The following MEI4 variants were observed in gnomAD, a reference collection of about 807,000 sequenced individuals.
The protein encoded by MEI4 is meiotic double-stranded break formation protein 4, also known as meiosis-specific protein MEI4.
In MEI4, 27 loss-of-function variants were observed where a neutral mutation model predicts 31.4. That is an observed-to-expected ratio of 0.86 (90% CI 0.63 to 1.19). The LOEUF is 1.19. MEI4 is among the 50% of genes most tolerant of loss of function. The pLI is 0.00. For missense variants in MEI4, 329 were observed against 398.9 expected, an observed-to-expected ratio of 0.82 and a Z score of 1.49; for synonymous variants, 122 against 145.4, an observed-to-expected ratio of 0.84 and a Z score of 1.16.
intron 3 of MEI4, among the ~76,000 whole-genome samples, chr6:77,772,784 T>A (rs1582126810): frequency 6.6e-6 from 1 of 151,990 alleles, no homozygotes; most frequent in South Asian, 2.1e-4. Flanking sequence ...GTAGATGATA[T>A]CATTTATTTG....
chr6:77,755,565 C>T lies in MEI4; in HGVS notation c.233-5565C>T, dbSNP rs151172840. On this transcript the variant is annotated intron_variant, in intron 2 of 4. Transcript: ENST00000684080. The stretch of plus-strand genomic sequence containing the variant: ...TCCCGAGTAGCTGAGATTACAGGCA[C>T]ACACCACCACACCCGGCTAACTTTT... 9.5e-3 allele frequency among the ~76,000 whole-genome samples: 1,438 copies of T among 152,100 alleles called. 18 individuals are homozygous for T. Among genetic ancestry groups the T allele is most frequent in the African/African-American group, 0.032 (1,337 of 41,514 alleles).
In MEI4 at chr6:77,883,410, A is replaced by G. The variant is rs1457828050; in HGVS notation, c.901-39679A>G. ...ACAAGAACTTATGTTTTCTAACTGCATGTAAACATTAATGAACCTCTCTTC... is the reference window on the plus strand; with the variant it reads ...ACAAGAACTTATGTTTTCTAACTGCGTGTAAACATTAATGAACCTCTCTTC... On this transcript the variant is annotated intron_variant, in intron 4 of 4. Transcript: ENST00000684080. Among the ~76,000 whole-genome samples, 9 of 151,932 alleles carry G rather than the reference A, an allele frequency of 5.9e-5. No individual in the cohort carries two copies. The East Asian group carries it at 1.7e-3, about 30-fold the overall frequency.
intron 2 of MEI4, among the ~76,000 whole-genome samples, chr6:77,743,791 C>G (rs534898436): frequency 6.6e-6 from 1 of 152,186 alleles, no homozygotes; most frequent in African/African-American, 2.4e-5. Context: ...AAAGATCAGA[C>G]AGCAGCATTC....
At chr6:77,755,543 C>T (rs1340983931) in intron 2 of MEI4, among the ~76,000 whole-genome samples, 5 of 151,906 alleles carry the variant, frequency 3.3e-5, no homozygotes, top group African/African-American at 4.8e-5. Context: ...CTCAGCCTCC[C>T]GAGTAGCTGA....
At chr6:77,734,168 A>G (rs935092292) in intron 2 of MEI4, among the ~76,000 whole-genome samples, 2 of 151,920 alleles carry the variant, frequency 1.3e-5, no homozygotes, top group Non-Finnish European at 2.9e-5. Flanking sequence ...GCTGAGTTCA[A>G]TTCCTGGGTA....
intron 2 of MEI4, among the ~76,000 whole-genome samples, chr6:77,758,359 T>G (rs1287648439): frequency 6.6e-6 from 1 of 152,168 alleles, no homozygotes; most frequent in Non-Finnish European, 1.5e-5. Context: ...ATGGTTATAG[T>G]AGACACTTGT....
intron 1 of MEI4, among the ~76,000 whole-genome samples, chr6:77,674,803 T>A (rs1582011433): frequency 2.0e-5 from 3 of 152,258 alleles, no homozygotes; most frequent in Admixed American, 2.0e-4. Context: ...CTGCAACTCC[T>A]CCTTCACCTG....
chr6:77,696,735 T>C (rs1766056121), intron 2 of MEI4, among the ~76,000 whole-genome samples: 1 of 151,752 alleles, frequency 6.6e-6, no homozygotes, highest in Admixed American at 6.6e-5. Flanking sequence ...TCTTTTTTGG[T>C]TGTGTCTCTG....
chr6:77,657,946 T>C (rs1768427696), intron 1 of MEI4, among the ~76,000 whole-genome samples: 1 of 152,208 alleles, frequency 6.6e-6, no homozygotes, highest in East Asian at 1.9e-4. Flanking sequence ...TTCATAAATG[T>C]ATAGTCAGGT....
intron 3 of MEI4, among the ~76,000 whole-genome samples, chr6:77,791,831 G>A (rs1041888668): frequency 1.7e-4 from 26 of 152,142 alleles, no homozygotes; most frequent in African/African-American, 5.8e-4. Context: ...ATTATTAACT[G>A]TAATTATGTA....
chr6:77,721,984 A>G lies in MEI4; in HGVS notation c.232+31081A>G, dbSNP rs971249078. Reference sequence around the variant, plus strand: ...GAGCTCGACCTACAAAAGTCTGACAAATAGTTGGACTATTAAGCATTCCCT... The same window carrying G: ...GAGCTCGACCTACAAAAGTCTGACAGATAGTTGGACTATTAAGCATTCCCT... On this transcript the variant is annotated intron_variant, in intron 2 of 4. Transcript: ENST00000684080. Among the ~76,000 whole-genome samples, 12 of 129,378 alleles carry G rather than the reference A, an allele frequency of 9.3e-5. 2 individuals are homozygous for G. Among genetic ancestry groups the G allele is most frequent in the African/African-American group, 3.5e-4 (12 of 34,682 alleles). The allele number at this position is 129,378 out of a possible 152,430, so 84.9% of individuals were successfully genotyped here. A position where few individuals can be genotyped will look rare whatever the true frequency, so the allele number is the denominator to read the frequency against.
chr6:77,754,089 A>G lies in MEI4; in HGVS notation c.233-7041A>G, dbSNP rs531571238. Among the ~76,000 whole-genome samples, 211 of 151,602 alleles carry G rather than the reference A, an allele frequency of 1.4e-3. 1 individual carries two copies. The highest frequency in any genetic ancestry group is 4.5e-3 in the African/African-American group (185 of 41,390). Reference sequence around the variant, plus strand: ...CACAGGGAGGGGAACATCACACACCATGTCCTGTAGGGGGTTAGGGGGGTT... The same window carrying G: ...CACAGGGAGGGGAACATCACACACCGTGTCCTGTAGGGGGTTAGGGGGGTT... On this transcript the variant is annotated intron_variant, in intron 2 of 4. Transcript: ENST00000684080.
At chr6:77,794,097 G>C (rs936438795) in intron 3 of MEI4, among the ~76,000 whole-genome samples, 1 of 152,134 alleles carries the variant, frequency 6.6e-6, no homozygotes, top group African/African-American at 2.4e-5. Flanking sequence ...TGAAAGTGAA[G>C]GGATGGAAAG....
chr6:77,798,841 C>A (rs376616683), intron 3 of MEI4, among the ~76,000 whole-genome samples: 2 of 151,624 alleles, frequency 1.3e-5, no homozygotes, highest in African/African-American at 2.4e-5. Context: ...TTTATGGCTG[C>A]GTAGTATTCC....
intron 3 of MEI4, among the ~76,000 whole-genome samples, chr6:77,775,680 T>C (rs1768420958): frequency 6.6e-6 from 1 of 152,172 alleles, no homozygotes; most frequent in Admixed American, 6.6e-5. Flanking sequence ...ATGTGACTTT[T>C]ATTGTGACTT....
At chr6:77,704,459 G>T (rs999137595) in intron 2 of MEI4, among the ~76,000 whole-genome samples, 5 of 152,210 alleles carry the variant, frequency 3.3e-5, no homozygotes, top group Non-Finnish European at 5.9e-5. Flanking sequence ...ATGGAATGGG[G>T]TTCCTATAGA....
chr6:77,702,858 A>G (rs1766254899), intron 2 of MEI4, among the ~76,000 whole-genome samples: 1 of 152,008 alleles, frequency 6.6e-6, no homozygotes, highest in Admixed American at 6.6e-5. Context: ...TTTTTTATAC[A>G]TATTCTCTCT....
intron 4 of MEI4, among the ~76,000 whole-genome samples, chr6:77,861,674 C>G (rs1212693557): frequency 1.3e-5 from 2 of 152,124 alleles, no homozygotes; most frequent in Non-Finnish European, 2.9e-5. Context: ...TGGAGTTAAG[C>G]AAATATGAGT....
At chr6:77,901,009 G>T (rs1246075213) in intron 4 of MEI4, among the ~76,000 whole-genome samples, 1 of 151,650 alleles carries the variant, frequency 6.6e-6, no homozygotes, top group East Asian at 1.9e-4. Context: ...TAATGTCCTT[G>T]GGTTCATCCA....
Sources: allele counts gnomAD v4.1 joint callset (sites outside exome capture counted in the v4.1 genomes callset), GRCh38; gene constraint gnomAD v4.1.1; transcripts MANE v1.5; gene names NCBI Gene and HGNC (gene_info 2026-07-23, HGNC 2026-07-21).